Variants in MAPKAPK3 observed in about 807,000 individuals in gnomAD.
MAPKAPK3 encodes the protein MAPK activated protein kinase 3, also known as MAP kinase-activated protein kinase 3.
A neutral mutation model predicts 49.2 loss-of-function variants in MAPKAPK3; 35 were observed. The ratio of observed to expected loss-of-function variants is 0.71; its 90% CI spans 0.54 to 0.94. The LOEUF (loss-of-function observed/expected upper bound fraction) is 0.94. Ranked by LOEUF, MAPKAPK3 falls within the 40% of genes least tolerant of loss-of-function variation. MAPKAPK3 has a pLI of 0.00. For missense variants in MAPKAPK3, 398 were observed against 493.1 expected, an observed-to-expected ratio of 0.81 and a Z score of 1.83; for synonymous variants, 178 against 188.7, an observed-to-expected ratio of 0.94 and a Z score of 0.46.
intron 2 of MAPKAPK3, among the ~76,000 whole-genome samples, chr3:50,636,015 G>A (rs1559487336): frequency 1.3e-5 from 2 of 151,854 alleles, no homozygotes; most frequent in Admixed American, 1.3e-4. Context: ...GGGAGGCTGA[G>A]GTGGGAGAAT....
intron 1 of MAPKAPK3, 60 bp from the exon 2 acceptor site, chr3:50,617,454 T>C: frequency 1.6e-6 from 1 of 632,064 alleles, no homozygotes; most frequent in Non-Finnish European, 2.8e-6. Context: ...GTTCAGAGGC[T>C]CCAAGGCTGG....
At chr3:50,622,276 G>A (rs1226056940) in intron 2 of MAPKAPK3, among the ~76,000 whole-genome samples, 5 of 152,228 alleles carry the variant, frequency 3.3e-5, no homozygotes, top group African/African-American at 9.6e-5. Context: ...ACTTGGCTGT[G>A]TATGTTCTGA....
intron 2 of MAPKAPK3, among the ~76,000 whole-genome samples, chr3:50,633,793 A>G (rs111857441): frequency 3.9e-5 from 6 of 152,330 alleles, no homozygotes; most frequent in Admixed American, 2.0e-4. Flanking sequence ...GAGATAAGGG[A>G]CAGCAGAGTG....
chr3:50,621,974 C>T (rs1054999499), intron 2 of MAPKAPK3, among the ~76,000 whole-genome samples: 3 of 152,116 alleles, frequency 2.0e-5, no homozygotes, highest in Non-Finnish European at 2.9e-5. Flanking sequence ...GTGGTGGATC[C>T]ACATGTCCAG....
chr3:50,634,731 T>C (rs1416253236), intron 2 of MAPKAPK3, among the ~76,000 whole-genome samples: 1 of 152,158 alleles, frequency 6.6e-6, no homozygotes, highest in Non-Finnish European at 1.5e-5. Flanking sequence ...CCTCAGGTGA[T>C]CCTCCCGCCT....
chr3:50,640,146 T>C (rs942167508), intron 2 of MAPKAPK3, among the ~76,000 whole-genome samples: 1 of 152,178 alleles, frequency 6.6e-6, no homozygotes, highest in Non-Finnish European at 1.5e-5. Flanking sequence ...TACGGACTCC[T>C]TGAACTACCT....
At chr3:50,647,797 G>C in intron 10 of MAPKAPK3, 97 bp from the exon 11 acceptor site, 1 of 1,216,906 alleles carries the variant, frequency 8.2e-7, no homozygotes, top group Non-Finnish European at 1.2e-6. Context: ...AGCACAGGCT[G>C]TCACTGACAT....
intron 2 of MAPKAPK3, among the ~76,000 whole-genome samples, chr3:50,637,894 A>G (rs907517221): frequency 7.2e-5 from 11 of 152,104 alleles, no homozygotes; most frequent in African/African-American, 2.7e-4. Context: ...GGAACAACAT[A>G]TATATTTTTC....
rs1224641222 is a variant in MAPKAPK3, at chr3:50,647,103, G to A, written c.916-20G>A. 3 of 1,557,710 alleles carry A rather than the reference G, an allele frequency of 1.9e-6. No homozygotes were observed. The highest frequency in any genetic ancestry group is 1.2e-5 in the South Asian group (1 of 84,556). ...CAGGTGCCTCCAGTTTCTAATCCAC[G>A]GGCGTGGGGCTCCTTCCAGCAATCG... is the stretch of plus-strand genomic sequence containing the variant. On this transcript the variant is annotated intron_variant, in intron 9 of 10. Coordinates refer to ENST00000621469, the MANE Select transcript of MAPKAPK3 (RefSeq NM_001243925.2).
intron 3 of MAPKAPK3, 91 bp from the exon 4 acceptor site, chr3:50,641,613 AGGG>A (rs72288687): frequency 0.019 from 18,526 of 974,106 alleles, 223 homozygotes; most frequent in Non-Finnish European, 0.025. Context: ...GCGGAGCAGC[AGGG>A]TCTGAAGCCT....
Position 50,646,134 on chromosome 3 carries a change from C to T in MAPKAPK3, c.705-6C>T. The T allele has an allele frequency of 1.9e-6, 3 of 1,612,852 alleles. No homozygotes were observed. Among genetic ancestry groups the T allele is most frequent in the Non-Finnish European group, 2.5e-6 (3 of 1,179,142 alleles). On this transcript the variant is annotated splice_polypyrimidine_tract_variant and splice_region_variant and intron_variant, in intron 7 of 10. Transcript: ENST00000621469. ...CCTATGCCAAATGACTTACCCCTTC[C>T]CCCAGCCTTTGTGGCTTCCCACCCT...
intron 5 of MAPKAPK3, among the ~76,000 whole-genome samples, chr3:50,643,844 A>T (rs954769644): frequency 6.6e-6 from 1 of 151,624 alleles, no homozygotes; most frequent in African/African-American, 2.4e-5. Context: ...CCTACCTACC[A>T]TTCATTAAAA....
intron 2 of MAPKAPK3, among the ~76,000 whole-genome samples, chr3:50,626,283 G>T (rs1483938152): frequency 6.6e-6 from 1 of 152,192 alleles, no homozygotes; most frequent in Non-Finnish European, 1.5e-5. Flanking sequence ...CCAGCCAGAG[G>T]AGCTGGTGGG....
intron 2 of MAPKAPK3, among the ~76,000 whole-genome samples, chr3:50,635,948 CA>C (rs1179334515): frequency 0.016 from 1,523 of 95,150 alleles, 27 homozygotes; most frequent in East Asian, 0.099. Context: ...AAAAAAAAAC[CA>C]AAAAAAAAAA....
At chr3:50,647,791 C>T in intron 10 of MAPKAPK3, 103 bp from the exon 11 acceptor site, 2 of 1,140,948 alleles carry the variant, frequency 1.8e-6, no homozygotes, top group Non-Finnish European at 1.3e-6. Flanking sequence ...AGAGGCAGCA[C>T]AGGCTGTCAC....
upstream of MAPKAPK3, chr3:50,611,540 GC>G: frequency 6.6e-7 from 1 of 1,518,204 alleles, no homozygotes; most frequent in African/African-American, 1.4e-5. Context: ...GGCCCGTCAA[GC>G]CCTCCCAATG....
chr3:50,621,529 C>G (rs1051402790), intron 2 of MAPKAPK3, among the ~76,000 whole-genome samples: 1 of 142,574 alleles, frequency 7.0e-6, no homozygotes, highest in Non-Finnish European at 1.5e-5. Flanking sequence ...ACCTGGGAGG[C>G]GGAGGTTGCA....
upstream of MAPKAPK3, among the ~76,000 whole-genome samples, chr3:50,616,906 T>C (rs1211992901): frequency 1.3e-5 from 2 of 151,924 alleles, no homozygotes; most frequent in East Asian, 3.9e-4. Flanking sequence ...AGTAGCGGAC[T>C]GCCAGTACAG....
At chr3:50,644,083 C>T (rs1052871506) in intron 5 of MAPKAPK3, among the ~76,000 whole-genome samples, 1 of 152,184 alleles carries the variant, frequency 6.6e-6, no homozygotes, top group Non-Finnish European at 1.5e-5. Flanking sequence ...AGCAGCCTGC[C>T]TTCCCCCAGC....
Sources: allele counts gnomAD v4.1 joint callset (sites outside exome capture counted in the v4.1 genomes callset), GRCh38; gene constraint gnomAD v4.1.1; transcripts MANE v1.5; gene names NCBI Gene and HGNC (gene_info 2026-07-23, HGNC 2026-07-21).